ATP2B2: variants seen among roughly 807,000 people sequenced by gnomAD.
ATP2B2 encodes the protein ATPase plasma membrane Ca2+ transporting 2, also known as plasma membrane calcium-transporting ATPase 2.
ATP2B2 carries 15 observed loss-of-function variants against 120.0 expected under a neutral mutation model. That is an observed-to-expected ratio of 0.12 (90% CI 0.08 to 0.19). The LOEUF is 0.19. ATP2B2 is among the 10% of genes least tolerant of loss of function. ATP2B2 has a pLI of 1.00. For synonymous variants in ATP2B2, 694 were observed against 700.3 expected (o/e 0.99, Z 0.14); for missense variants, 1,045 against 1,719.8 (o/e 0.61, Z 6.94).
chr3:10,379,415 G>T (rs545258758), intron 8 of ATP2B2, 131 bp from the exon 9 acceptor site: 1 of 1,045,240 alleles, frequency 9.6e-7, no homozygotes, highest in Non-Finnish European at 1.5e-6. Context: ...ATCCCTCTGT[G>T]TGGGGATACG....
At chr3:10,667,927 G>C (rs150030042) in intron 1 of ATP2B2, among the ~76,000 whole-genome samples, 1 of 149,470 alleles carries the variant, frequency 6.7e-6, no homozygotes, top group East Asian at 2.1e-4. Context: ...AAAGAACTCT[G>C]ATCTATTTTC....
chr3:10,603,795 T>C (rs2068989628), intron 2 of ATP2B2, among the ~76,000 whole-genome samples: 1 of 151,958 alleles, frequency 6.6e-6, no homozygotes, highest in African/African-American at 2.4e-5. Context: ...CCTTCAGTCT[T>C]TCCAGGAAAA....
At position 10,635,315 on chromosome 3, in the gene ATP2B2, G is replaced by A. The variant is rs975877512; in HGVS notation, c.-459-15354C>T. 6.6e-6 allele frequency among the ~76,000 whole-genome samples: 1 copy of A among 152,118 alleles called. No individual in the cohort carries two copies. Among genetic ancestry groups the A allele is most frequent in the African/African-American group, 2.4e-5 (1 of 41,422 alleles). On this transcript the variant is annotated intron_variant, in intron 1 of 21. Coordinates refer to the ATP2B2 transcript ENST00000646379. This position sits in a 1 kb window ranked among gnomAD's most constrained non-coding sequence, Gnocchi z 4.3. Reference sequence around the variant, plus strand: ...GGATTTGCCTGAAGCCCCGGGTTTGGAGTCTCTGGTTGAGAGTTCCAGTGG... The same window carrying A: ...GGATTTGCCTGAAGCCCCGGGTTTGAAGTCTCTGGTTGAGAGTTCCAGTGG...
chr3:10,703,832 G>A (rs552524489), intron 1 of ATP2B2, among the ~76,000 whole-genome samples: 30 of 152,334 alleles, frequency 2.0e-4, no homozygotes, highest in African/African-American at 6.3e-4. Context: ...TTTCATAAAT[G>A]CTCAGCCCAT....
chr3:10,519,449 G>C (rs2066939321), intron 3 of ATP2B2, among the ~76,000 whole-genome samples: 1 of 152,214 alleles, frequency 6.6e-6, no homozygotes, highest in African/African-American at 2.4e-5. Flanking sequence ...TGGGACTCCT[G>C]TCAAGGTGCC....
chr3:10,460,856 G>A (rs1034797607), intron 1 of ATP2B2, among the ~76,000 whole-genome samples: 1 of 152,182 alleles, frequency 6.6e-6, no homozygotes, highest in Non-Finnish European at 1.5e-5. Flanking sequence ...TTAAGTGGTA[G>A]CATCTCAGTC....
intron 1 of ATP2B2, among the ~76,000 whole-genome samples, chr3:10,698,944 C>T (rs2071779437): frequency 6.6e-6 from 1 of 152,154 alleles, no homozygotes; most frequent in Non-Finnish European, 1.5e-5. Context: ...AACCGTCATC[C>T]ACTCTTACCC....
chr3:10,575,760 G>A (rs2125551704), intron 2 of ATP2B2, among the ~76,000 whole-genome samples: 1 of 152,284 alleles, frequency 6.6e-6, no homozygotes, highest in East Asian at 1.9e-4. Flanking sequence ...GGTGTCTGAG[G>A]GAAGTTGTGC....
intron 2 of ATP2B2, among the ~76,000 whole-genome samples, chr3:10,604,041 C>T (rs984827846): frequency 6.6e-6 from 1 of 152,112 alleles, no homozygotes. Flanking sequence ...AGTTATCACC[C>T]CTCCTCCCTC....
At chr3:10,419,002 C>T in intron 2 of ATP2B2, among the ~76,000 whole-genome samples, 1 of 152,236 alleles carries the variant, frequency 6.6e-6, no homozygotes. Context: ...AATGGGTAAC[C>T]TCAGCCCTGG....
In ATP2B2 at chr3:10,521,397, G is replaced by A. The variant is rs1365434656; in HGVS notation, c.-320+12642C>T. Among the ~76,000 whole-genome samples, 4 of 152,354 alleles carry A rather than the reference G, an allele frequency of 2.6e-5. No homozygotes were observed. In the East Asian group the frequency reaches 7.7e-4, roughly 29 times the overall value. ...CAGGACCAGAAAATCCTTCATTCAT[G>A]AACTTTCAGTCTGGGAACTTTCATG... On this transcript the variant is annotated intron_variant, in intron 3 of 21. Transcript: ENST00000646379.
intron 1 of ATP2B2, among the ~76,000 whole-genome samples, chr3:10,502,107 A>G (rs1440332444): frequency 1.3e-5 from 2 of 152,308 alleles, no homozygotes; most frequent in East Asian, 3.9e-4. Context: ...CTCTGCACAT[A>G]GCATAAGCCA....
intron 1 of ATP2B2, among the ~76,000 whole-genome samples, chr3:10,485,126 AG>A (rs774568786): frequency 3.7e-4 from 57 of 152,274 alleles, no homozygotes; most frequent in Non-Finnish European, 7.5e-4. Context: ...ACAAGAGGTG[AG>A]GGGGTCTTCA....
intron 1 of ATP2B2, among the ~76,000 whole-genome samples, chr3:10,651,742 T>C (rs1575593372): frequency 1.6e-5 from 2 of 127,890 alleles, no homozygotes; most frequent in East Asian, 4.8e-4. Context: ...AATGCATGTA[T>C]GAATGGATGG....
intron 12 of ATP2B2, among the ~76,000 whole-genome samples, chr3:10,368,506 C>A (rs2061131842): frequency 6.6e-6 from 1 of 152,054 alleles, no homozygotes; most frequent in South Asian, 2.1e-4. Context: ...TCCATTCCAT[C>A]AAGCAATCAA....
chr3:10,652,314 C>A (rs1309672637), intron 1 of ATP2B2, among the ~76,000 whole-genome samples: 4 of 152,178 alleles, frequency 2.6e-5, no homozygotes, highest in Non-Finnish European at 5.9e-5. Flanking sequence ...AGTCCACCAC[C>A]CTTCCCTAGC....
chr3:10,372,705 C>T (rs2061277030), intron 11 of ATP2B2, among the ~76,000 whole-genome samples: 1 of 152,140 alleles, frequency 6.6e-6, no homozygotes, highest in African/African-American at 2.4e-5. Flanking sequence ...CCATCCAGAA[C>T]TAGGTACATC....
chr3:10,498,141 G>T (rs144986321), intron 1 of ATP2B2, among the ~76,000 whole-genome samples: 2 of 152,162 alleles, frequency 1.3e-5, no homozygotes, highest in Non-Finnish European at 1.5e-5. Context: ...CTTGGAATCC[G>T]CACAGTTCAG....
intron 1 of ATP2B2, among the ~76,000 whole-genome samples, chr3:10,681,300 G>T (rs1221931994): frequency 6.6e-6 from 1 of 152,218 alleles, no homozygotes; most frequent in African/African-American, 2.4e-5. Context: ...ACGCTTGGGG[G>T]TGGTGGAGGC....
Sources: allele counts gnomAD v4.1 joint callset (sites outside exome capture counted in the v4.1 genomes callset), GRCh38; gene constraint gnomAD v4.1.1; non-coding constraint Gnocchi (gnomAD v3.1); transcripts MANE v1.5; gene names NCBI Gene and HGNC (gene_info 2026-07-23, HGNC 2026-07-21).